SYT16: variants seen among roughly 807,000 people sequenced by gnomAD.
SYT16 encodes synaptotagmin 16, also known as synaptotagmin-16.
Under a neutral mutation model 61.4 loss-of-function variants are expected in SYT16, and 42 were observed. That is an observed-to-expected ratio of 0.68 (90% CI 0.53 to 0.89). The LOEUF (loss-of-function observed/expected upper bound fraction) is 0.89, where lower values mean the gene tolerates loss of function less well. SYT16 is among the 40% of genes least tolerant of loss of function. The pLI is 0.00. For missense variants in SYT16, 804 were observed against 807.3 expected (o/e 1.00, Z 0.05); for synonymous variants, 314 against 302.3 (o/e 1.04, Z -0.40).
rs550834244 is a variant in SYT16 at position 61,866,381 on chromosome 14, C to T, written c.-325+53571C>T. ...TAGTGGCTGTACCATTTTGTATTCT[C>T]CCTAGCAATGTATGACATTTCCAGT... On this transcript the variant is annotated intron_variant, in intron 1 of 7. Transcript: ENST00000683842. 9.2e-5 allele frequency among the ~76,000 whole-genome samples: 14 copies of T among 152,200 alleles called. No homozygotes were observed. The East Asian group carries it at 1.5e-3, about 17-fold the overall frequency.
chr14:62,054,477 C>T (rs904105276), intron 3 of SYT16, among the ~76,000 whole-genome samples: 41 of 151,888 alleles, frequency 2.7e-4, no homozygotes, highest in African/African-American at 9.4e-4. Flanking sequence ...CCTCCCACCT[C>T]AGCCTGACTA....
Position 62,037,905 on chromosome 14 carries a change from A to G in SYT16, c.524-31698A>G, listed in dbSNP as rs148409347. Among the ~76,000 whole-genome samples the G allele has an allele frequency of 9.9e-3, 1,501 of 152,202 alleles. 21 individuals carry two copies. Among genetic ancestry groups the G allele is most frequent in the African/African-American group, 0.034 (1,418 of 41,538 alleles). On this transcript the variant is annotated intron_variant, in intron 3 of 7. Coordinates refer to ENST00000683842, the MANE Select transcript of SYT16 (RefSeq NM_001367656.1). ...AGGGAGCTGGTGGTATTGTAATTGT[A>G]TGTTGGTAACCTGTAGCCAGGCATG...
At chr14:62,090,005 T>G (rs17734963) in intron 7 of SYT16, among the ~76,000 whole-genome samples, 59,683 of 152,130 alleles carry the variant, frequency 0.39, 13,047 homozygotes, top group African/African-American at 0.61. Flanking sequence ...TCCAACTGCT[T>G]CATGGCCTCA....
chr14:62,075,879 A>G (rs2056478578), intron 5 of SYT16, among the ~76,000 whole-genome samples: 1 of 152,252 alleles, frequency 6.6e-6, no homozygotes, highest in Admixed American at 6.5e-5. Context: ...GTGAAATTAT[A>G]CAAGGTGTAA....
intron 1 of SYT16, among the ~76,000 whole-genome samples, chr14:61,909,267 T>C (rs2048837587): frequency 6.6e-6 from 1 of 152,202 alleles, no homozygotes; most frequent in African/African-American, 2.4e-5. Context: ...TCATGTATAG[T>C]GCATATACTA....
chr14:61,951,445 A>G (rs2050667566), intron 1 of SYT16, among the ~76,000 whole-genome samples: 1 of 152,228 alleles, frequency 6.6e-6, no homozygotes, highest in Admixed American at 6.5e-5. Flanking sequence ...ATTCTGTTAA[A>G]GTTTTAGTCT....
intron 1 of SYT16, among the ~76,000 whole-genome samples, chr14:61,813,258 C>T (rs1450398208): frequency 6.6e-6 from 1 of 152,214 alleles, no homozygotes; most frequent in East Asian, 1.9e-4. Flanking sequence ...CGGTGGCCCA[C>T]GGGCTGTATT....
intron 3 of SYT16, among the ~76,000 whole-genome samples, chr14:62,049,969 A>G (rs58810448): frequency 0.07 from 10,610 of 152,108 alleles, 460 homozygotes; most frequent in East Asian, 0.12. Context: ...CTCTTCTCAA[A>G]GAGTATCTTT....
At chr14:62,019,382 A>G (rs2053830199) in intron 3 of SYT16, among the ~76,000 whole-genome samples, 1 of 152,040 alleles carries the variant, frequency 6.6e-6, no homozygotes, top group Non-Finnish European at 1.5e-5. Context: ...GTGTGTGAAG[A>G]CCCTGGTTTT....
chr14:61,861,312 A>AT (rs916379468), intron 1 of SYT16, among the ~76,000 whole-genome samples: 12 of 152,076 alleles, frequency 7.9e-5, no homozygotes, highest in Admixed American at 2.0e-4. Context: ...AAATTTACTA[A>AT]TTTTTTTTGG....
intron 1 of SYT16, among the ~76,000 whole-genome samples, chr14:61,885,117 T>G (rs1276690089): frequency 6.6e-6 from 1 of 152,200 alleles, no homozygotes; most frequent in African/African-American, 2.4e-5. Flanking sequence ...TTTCATTATC[T>G]GTCTAATACT....
intron 1 of SYT16, chr14:61,832,290 A>G: frequency 1.7e-6 from 1 of 592,006 alleles, no homozygotes; most frequent in Non-Finnish European, 3.3e-6. Context: ...GCTCTTCACA[A>G]CATTTCCGTG....
chr14:62,079,155 T>C (rs2056616566), intron 5 of SYT16, among the ~76,000 whole-genome samples: 1 of 152,202 alleles, frequency 6.6e-6, no homozygotes, highest in South Asian at 2.1e-4. Context: ...TTGGCCTAAA[T>C]CCTTGGAGAC....
intron 3 of SYT16, among the ~76,000 whole-genome samples, chr14:62,011,930 T>TATATACACACAC (rs2053482082): frequency 6.8e-6 from 1 of 147,550 alleles, no homozygotes; most frequent in African/African-American, 2.6e-5. Flanking sequence ...CACACACATA[T>TATATACACACAC]ATATATATAT....
chr14:62,073,476 T>C (rs76521977), intron 4 of SYT16, among the ~76,000 whole-genome samples: 1 of 152,230 alleles, frequency 6.6e-6, no homozygotes, highest in Non-Finnish European at 1.5e-5. Flanking sequence ...TCTGTCATTT[T>C]GTGTGGCCTG....
chr14:61,909,888 A>G (rs150088911), intron 1 of SYT16, among the ~76,000 whole-genome samples: 1 of 152,198 alleles, frequency 6.6e-6, no homozygotes, highest in East Asian at 1.9e-4. Context: ...TTTTTCTTCT[A>G]AGTTGTCTCT....
intron 1 of SYT16, among the ~76,000 whole-genome samples, chr14:61,816,389 A>T (rs901179750): frequency 1.3e-5 from 2 of 152,236 alleles, no homozygotes; most frequent in Admixed American, 6.5e-5. Context: ...AGGATTTCAG[A>T]TGCCTAGACT....
chr14:62,043,786 G>C (rs1309612602), intron 3 of SYT16, among the ~76,000 whole-genome samples: 2 of 152,076 alleles, frequency 1.3e-5, no homozygotes, highest in Non-Finnish European at 2.9e-5. Flanking sequence ...CTGTCAATGA[G>C]ATTAATTATA....
At chr14:61,844,088 T>G (rs1373817815) in intron 1 of SYT16, among the ~76,000 whole-genome samples, 2 of 152,196 alleles carry the variant, frequency 1.3e-5, no homozygotes, top group Non-Finnish European at 2.9e-5. Context: ...TCATTAGTGC[T>G]TTGTAGTTTT....
Sources: gnomAD v4.1 joint callset for allele counts (sites outside exome capture counted in the v4.1 genomes callset) on GRCh38, gnomAD v4.1.1 for gene constraint, MANE v1.5 for transcripts, NCBI Gene and HGNC (gene_info 2026-07-23, HGNC 2026-07-21) for gene names.